Variants in DNAJC13 observed in about 807,000 individuals in gnomAD.
The protein encoded by DNAJC13 is DnaJ heat shock protein family (Hsp40) member C13.
Under a neutral mutation model 290.5 loss-of-function variants are expected in DNAJC13, and 75 were observed. The observed-to-expected ratio is 0.26, with a 90% CI of 0.21 to 0.31. DNAJC13 has a LOEUF of 0.31. Ranked by LOEUF, DNAJC13 falls within the 10% of genes least tolerant of loss-of-function variation. DNAJC13 has a pLI of 1.00. For missense variants in DNAJC13, 2,260 were observed against 2,674.5 expected (o/e 0.85, Z 3.42); for synonymous variants, 862 against 892.0 (o/e 0.97, Z 0.60).
chr3:132,434,451 G>A (rs1939325658), intron 1 of DNAJC13, 87 bp from the exon 2 acceptor site: 1 of 900,062 alleles, frequency 1.1e-6, no homozygotes, highest in Non-Finnish European at 1.7e-6. Context: ...AAGTGAGAGA[G>A]CGATCTTGCT....
chr3:132,500,957 G>A lies in DNAJC13; in HGVS notation c.4536+44G>A. ...GCTTTCTAGATACAGACAGCAAAGTGTCTTTTTGTCAACTAGCCAGTTCCT... is the reference window on the plus strand; with the variant it reads ...GCTTTCTAGATACAGACAGCAAAGTATCTTTTTGTCAACTAGCCAGTTCCT... On this transcript the variant is annotated intron_variant, in intron 39 of 55. Coordinates refer to ENST00000260818, the MANE Select transcript of DNAJC13 (RefSeq NM_015268.4). 6 of 1,601,582 alleles carry A rather than the reference G, an allele frequency of 3.7e-6. No individual in the cohort carries two copies. In the East Asian group the frequency reaches 9.0e-5, roughly 24 times the overall value.
intron 42 of DNAJC13, among the ~76,000 whole-genome samples, chr3:132,506,973 T>C (rs1559904175): frequency 2.0e-5 from 3 of 152,238 alleles, no homozygotes; most frequent in Non-Finnish European, 4.4e-5. Flanking sequence ...ACTTGCTTTA[T>C]AAACTCTGGC....
intron 13 of DNAJC13, among the ~76,000 whole-genome samples, chr3:132,459,847 T>C (rs982492256): frequency 1.6e-4 from 24 of 152,190 alleles, no homozygotes; most frequent in African/African-American, 4.1e-4. Context: ...CTCCTAACCA[T>C]CACGCTGGAA....
rs771705485 is a variant in DNAJC13 at position 132,456,393 on chromosome 3, C to T, written c.1091C>T (p.Thr364Met). 53 of 1,612,550 alleles carry T rather than the reference C, an allele frequency of 3.3e-5. No individual in the cohort carries two copies. The highest frequency in any genetic ancestry group is 5.0e-5 in the Admixed American group (3 of 59,690). ...AGCCTTCACCTCAGGTTCTTAGCTACGCCTCCAAGTAAGTATTGATTTAAA... is the reference window on the plus strand; with the variant it reads ...AGCCTTCACCTCAGGTTCTTAGCTATGCCTCCAAGTAAGTATTGATTTAAA... ...VESLHLRFLA[T>M]PPNGNFADAV... Residue 364 changes from threonine to methionine, a missense_variant, in exon 10 of 56, where the codon ACG (threonine) becomes ATG (methionine). Physicochemically the swap from Thr to Met is moderately conservative, Grantham distance 81 (BLOSUM62 -1). This residue lies in a region of DNAJC13 where 762 missense variants were observed against 964.1 expected (regional missense o/e 0.79). Transcript: ENST00000260818.
chr3:132,446,344 G>T, intron 2 of DNAJC13, 131 bp from the exon 3 acceptor site: 1 of 602,226 alleles, frequency 1.7e-6, no homozygotes, highest in East Asian at 3.1e-5. Context: ...ATATAACTAA[G>T]CTATATTTAG....
chr3:132,452,614 T>C (rs1933452128), intron 6 of DNAJC13, among the ~76,000 whole-genome samples: 1 of 144,706 alleles, frequency 6.9e-6, no homozygotes, highest in Non-Finnish European at 1.5e-5. Flanking sequence ...TCGGAAACTT[T>C]TTGAGTGCCA....
intron 33 of DNAJC13, 62 bp from the exon 34 acceptor site, chr3:132,494,082 C>A: frequency 8.8e-7 from 1 of 1,135,482 alleles, no homozygotes; most frequent in Non-Finnish European, 1.3e-6. Flanking sequence ...AATTCTATAA[C>A]TTAAAAATTA....
intron 2 of DNAJC13, among the ~76,000 whole-genome samples, chr3:132,435,764 T>A (rs1939369242): frequency 1.3e-5 from 2 of 152,188 alleles, no homozygotes; most frequent in African/African-American, 4.8e-5. Context: ...TATTTTTTCC[T>A]CAAGTGGTAG....
intron 29 of DNAJC13, among the ~76,000 whole-genome samples, chr3:132,485,139 T>A (rs566435001): frequency 1.3e-5 from 2 of 152,166 alleles, no homozygotes; most frequent in Admixed American, 1.3e-4. Context: ...CTTAATTTTT[T>A]ATTTTTTTTT....
chr3:132,454,891 A>G (rs891576612), intron 9 of DNAJC13, among the ~76,000 whole-genome samples: 3 of 152,170 alleles, frequency 2.0e-5, no homozygotes, highest in Non-Finnish European at 2.9e-5. Flanking sequence ...TCCTGACAGT[A>G]GCCGTAGGAA....
chr3:132,479,123 T>A (rs1324564451), intron 24 of DNAJC13, 104 bp from the exon 25 acceptor site: 10 of 593,078 alleles, frequency 1.7e-5, no homozygotes, highest in Non-Finnish European at 2.7e-5. Flanking sequence ...GTTTATAAAA[T>A]GGCATTACTT....
At chr3:132,431,438 G>A (rs978575153) in intron 1 of DNAJC13, among the ~76,000 whole-genome samples, 23 of 152,024 alleles carry the variant, frequency 1.5e-4, no homozygotes, top group African/African-American at 5.1e-4. Context: ...GTTTAGGGTC[G>A]GCATCATTGG....
chr3:132,484,765 C>G, intron 29 of DNAJC13, 93 bp downstream of exon 29: 2 of 1,248,694 alleles, frequency 1.6e-6, no homozygotes, highest in East Asian at 4.7e-5. Context: ...GCAGTCTATT[C>G]CATTTTCAAA....
chr3:132,469,180 G>T (rs897165868), intron 20 of DNAJC13, among the ~76,000 whole-genome samples: 1 of 152,178 alleles, frequency 6.6e-6, no homozygotes, highest in South Asian at 2.1e-4. Context: ...ATTTTTAACA[G>T]TAATTTCTTT....
In DNAJC13 at chr3:132,466,011, T is replaced by A; in HGVS notation, c.1909T>A (p.Leu637Ile). The A allele has an allele frequency of 6.2e-7, 1 of 1,613,956 alleles. No homozygotes were observed. Among genetic ancestry groups the A allele is most frequent in the Non-Finnish European group, 8.5e-7 (1 of 1,179,860 alleles). ...MLTNRQLSRH[L>I]VGLWTADNAT... ...TTTTTTCAGACAGCTAAGTAGACAT[T>A]TAGTGGGACTCTGGACAGCTGATAA... is the stretch of plus-strand genomic sequence containing the variant. The change falls in exon 18 of 56, where the codon TTA becomes ATA. Residue 637 changes from leucine to isoleucine, a missense_variant. By Grantham distance (5) the Leu-to-Ile change is conservative. This residue lies in a region of DNAJC13 where 762 missense variants were observed against 964.1 expected (regional missense o/e 0.79). Coordinates refer to ENST00000260818, the MANE Select transcript of DNAJC13 (RefSeq NM_015268.4).
chr3:132,462,558 G>A (rs1195597417), intron 16 of DNAJC13, 35 bp downstream of exon 16: 1 of 1,503,362 alleles, frequency 6.7e-7, no homozygotes, highest in African/African-American at 1.4e-5. Context: ...AACCTTACTT[G>A]AATGTTGATA....
intron 43 of DNAJC13, 88 bp from the exon 44 acceptor site, chr3:132,510,979 C>A: frequency 7.1e-7 from 1 of 1,404,804 alleles, no homozygotes; most frequent in South Asian, 1.3e-5. Flanking sequence ...ATGTTTTATT[C>A]ACTTTCATAG....
At chr3:132,432,538 T>C (rs1400840299) in intron 1 of DNAJC13, among the ~76,000 whole-genome samples, 3 of 152,156 alleles carry the variant, frequency 2.0e-5, no homozygotes, top group East Asian at 3.8e-4. Context: ...TTTCTAACTA[T>C]TAAGGCAAGG....
chr3:132,426,123 A>G (rs1386624860), intron 1 of DNAJC13, among the ~76,000 whole-genome samples: 6 of 152,232 alleles, frequency 3.9e-5, no homozygotes, highest in Non-Finnish European at 5.9e-5. Context: ...AGCATGATGC[A>G]GTAGTATTCA....
Sources: gnomAD v4.1 joint callset for allele counts (sites outside exome capture counted in the v4.1 genomes callset) on GRCh38, gnomAD v4.1.1 for gene constraint, gnomAD v4.1.1 regional missense constraint, MANE v1.5 for transcripts, NCBI Gene and HGNC (gene_info 2026-07-23, HGNC 2026-07-21) for gene names.